The following SOX6 variants were observed in gnomAD, a reference collection of about 807,000 sequenced individuals.
SOX6 encodes transcription factor SOX-6.
SOX6 carries 11 observed loss-of-function variants against 97.8 expected under a neutral mutation model. The observed-to-expected ratio is 0.11, with a 90% CI of 0.07 to 0.19. The LOEUF (loss-of-function observed/expected upper bound fraction) is 0.19, where lower values mean the gene tolerates loss of function less well. SOX6 is among the 10% of genes least tolerant of loss of function. SOX6 has a pLI of 1.00. For missense variants in SOX6, 810 were observed against 1,039.5 expected (o/e 0.78, Z 3.04); for synonymous variants, 360 against 371.4 (o/e 0.97, Z 0.35).
intron 6 of SOX6, among the ~76,000 whole-genome samples, chr11:16,170,635 C>T (rs1001287057): frequency 2.0e-5 from 3 of 152,134 alleles, no homozygotes; most frequent in African/African-American, 4.8e-5. Flanking sequence ...GACGGACTTG[C>T]TGTCCTCTTC....
intron 4 of SOX6, among the ~76,000 whole-genome samples, chr11:16,600,719 T>G (rs1848258385): frequency 6.6e-6 from 1 of 152,174 alleles, no homozygotes; most frequent in Non-Finnish European, 1.5e-5. Context: ...AATAATTAAC[T>G]GAAAAGCTTT....
intron 1 of SOX6, among the ~76,000 whole-genome samples, chr11:16,377,099 G>T (rs981363136): frequency 2.0e-5 from 3 of 151,646 alleles, no homozygotes; most frequent in African/African-American, 7.3e-5. Context: ...CCAACAAGGA[G>T]GATTTCAATT....
chr11:16,499,344 C>G (rs1473716202), intron 4 of SOX6, among the ~76,000 whole-genome samples: 1 of 151,990 alleles, frequency 6.6e-6, no homozygotes, highest in East Asian at 1.9e-4. Context: ...TAAATGCCCA[C>G]AAGAGAAAGC....
chr11:16,413,478 C>T (rs1389179406), intron 1 of SOX6, among the ~76,000 whole-genome samples: 1 of 136,440 alleles, frequency 7.3e-6, no homozygotes, highest in African/African-American at 2.7e-5. Context: ...TAACTTAATT[C>T]ATTTAGTTTA....
intron 1 of SOX6, among the ~76,000 whole-genome samples, chr11:16,428,507 G>T (rs1171127781): frequency 6.6e-6 from 1 of 152,112 alleles, no homozygotes; most frequent in African/African-American, 2.4e-5. Flanking sequence ...TTTATATAAG[G>T]TGTAAGGAAG....
chr11:16,178,194 T>A (rs1191455363), intron 6 of SOX6, among the ~76,000 whole-genome samples: 1 of 151,994 alleles, frequency 6.6e-6, no homozygotes, highest in Non-Finnish European at 1.5e-5. Flanking sequence ...CAGTCTAGCA[T>A]GACTAATGTG....
chr11:16,498,082 C>G (rs573551299), intron 4 of SOX6, among the ~76,000 whole-genome samples: 16 of 152,206 alleles, frequency 1.1e-4, no homozygotes, highest in African/African-American at 3.4e-4. Flanking sequence ...GTCGGGTTAC[C>G]CACAAAGGGA....
intron 6 of SOX6, among the ~76,000 whole-genome samples, chr11:16,136,271 GCCTCC>G (rs772559951): frequency 5.3e-5 from 8 of 151,726 alleles, no homozygotes; most frequent in Non-Finnish European, 1.2e-4. Flanking sequence ...ACCCGCCTCG[GCCTCC>G]CAAGATCATT....
At chr11:16,251,374 T>C (rs1315986120) in intron 3 of SOX6, among the ~76,000 whole-genome samples, 6 of 152,106 alleles carry the variant, frequency 3.9e-5, no homozygotes, top group Admixed American at 2.6e-4. Flanking sequence ...TTTAGGAAGA[T>C]TGATCAAGTA....
chr11:16,561,373 C>T (rs4603269), intron 4 of SOX6, among the ~76,000 whole-genome samples: 37,397 of 151,846 alleles, frequency 0.25, 5,093 homozygotes, highest in East Asian at 0.48. Context: ...ATACACACAC[C>T]CACAAACCCA....
chr11:16,516,028 C>A (rs972562646), intron 4 of SOX6, among the ~76,000 whole-genome samples: 4 of 151,746 alleles, frequency 2.6e-5, no homozygotes, highest in Non-Finnish European at 4.4e-5. Flanking sequence ...CTTGGCAATG[C>A]GGGCTCTTTT....
At chr11:16,593,393 G>A (rs907865428) in intron 4 of SOX6, among the ~76,000 whole-genome samples, 6 of 152,036 alleles carry the variant, frequency 3.9e-5, no homozygotes, top group Admixed American at 6.6e-5. Flanking sequence ...TGAACACAGC[G>A]TAAAAGTAAA....
chr11:16,070,924 C>T (rs1312989244), intron 9 of SOX6, among the ~76,000 whole-genome samples: 1 of 152,230 alleles, frequency 6.6e-6, no homozygotes, highest in Non-Finnish European at 1.5e-5. Flanking sequence ...TCCAAGGGGA[C>T]CTCTACAAGT....
chr11:16,570,783 C>T (rs1210491030), intron 4 of SOX6, among the ~76,000 whole-genome samples: 2 of 152,138 alleles, frequency 1.3e-5, no homozygotes, highest in Non-Finnish European at 2.9e-5. Context: ...TTCAAATATA[C>T]CTGTGTTGCT....
intron 6 of SOX6, among the ~76,000 whole-genome samples, chr11:16,162,964 T>C (rs1850790640): frequency 6.6e-6 from 1 of 151,186 alleles, no homozygotes; most frequent in South Asian, 2.1e-4. Flanking sequence ...AAGGAGTATA[T>C]GGGTAGAATG....
At chr11:16,228,662 C>A (rs559744854) in intron 4 of SOX6, among the ~76,000 whole-genome samples, 12 of 152,180 alleles carry the variant, frequency 7.9e-5, no homozygotes, top group African/African-American at 2.9e-4. Flanking sequence ...ATTTTAGGTG[C>A]TTTTACCACA....
intron 4 of SOX6, among the ~76,000 whole-genome samples, chr11:16,548,259 A>G (rs72859410): frequency 0.019 from 2,898 of 152,322 alleles, 37 homozygotes; most frequent in Non-Finnish European, 0.031. Context: ...TCTACACTGC[A>G]AAATATGTTA....
At chr11:16,209,270 T>C (rs1212385509) in intron 4 of SOX6, among the ~76,000 whole-genome samples, 1 of 152,162 alleles carries the variant, frequency 6.6e-6, no homozygotes, top group African/African-American at 2.4e-5. Flanking sequence ...GCTATAAAAA[T>C]GAAAGCTTTT....
intron 3 of SOX6, among the ~76,000 whole-genome samples, chr11:16,260,505 A>C (rs1853854761): frequency 6.6e-6 from 1 of 152,192 alleles, no homozygotes; most frequent in Non-Finnish European, 1.5e-5. Context: ...AAAAGAGATC[A>C]TCTGACATTT....
Sources: gnomAD v4.1 joint callset for allele counts (sites outside exome capture counted in the v4.1 genomes callset) on GRCh38, gnomAD v4.1.1 for gene constraint, MANE v1.5 for transcripts, NCBI Gene and HGNC (gene_info 2026-07-23, HGNC 2026-07-21) for gene names.